The following TANC2 variants were observed in gnomAD, a reference collection of about 807,000 sequenced individuals.
TANC2 encodes tetratricopeptide repeat, ankyrin repeat and coiled-coil containing 2.
In TANC2, 26 loss-of-function variants were observed where a neutral mutation model predicts 210.5. The observed-to-expected ratio is 0.12, with a 90% CI of 0.09 to 0.17. The LOEUF is 0.17. Among genes scored for constraint, TANC2 ranks in the 10% least tolerant of loss-of-function variants. The probability of loss-of-function intolerance (pLI) is 1.00; values close to 1 mark genes in which losing one functional copy is unlikely to be tolerated. For synonymous variants in TANC2, 931 were observed against 967.1 expected, an observed-to-expected ratio of 0.96 and a Z score of 0.69; for missense variants, 2,129 against 2,608.9, an observed-to-expected ratio of 0.82 and a Z score of 4.01.
intron 9 of TANC2, among the ~76,000 whole-genome samples, chr17:63,293,736 AT>A (rs911410479): frequency 1.3e-5 from 2 of 151,594 alleles, no homozygotes; most frequent in African/African-American, 4.8e-5. Context: ...AAAGGTAAGG[AT>A]TTTTTTTGTT....
At chr17:63,102,834 CCAAA>C (rs1410088625) in intron 4 of TANC2, among the ~76,000 whole-genome samples, 1 of 151,942 alleles carries the variant, frequency 6.6e-6, no homozygotes, top group South Asian at 2.1e-4. Context: ...ATGGATTCAA[CCAAA>C]CACAGATTGA....
chr17:63,104,486 A>G lies in TANC2; in HGVS notation c.322+5129A>G, dbSNP rs528792314. Among the ~76,000 whole-genome samples the G allele has an allele frequency of 1.2e-4, 19 of 152,368 alleles. No individual in the cohort carries two copies. In the South Asian group the frequency reaches 2.7e-3, roughly 22 times the overall value. On this transcript the variant is annotated intron_variant, in intron 4 of 27. Transcript: ENST00000689528. ...CAATTTGACAATATGTATCAAAATT[A>G]TAAGGCACATAATCCTTAATACACC...
intron 8 of TANC2, among the ~76,000 whole-genome samples, chr17:63,259,691 C>T (rs2043301282): frequency 6.6e-6 from 1 of 152,092 alleles, no homozygotes; most frequent in Non-Finnish European, 1.5e-5. Flanking sequence ...TAGAACCTTG[C>T]TTTGAAATTA....
intron 3 of TANC2, among the ~76,000 whole-genome samples, chr17:63,081,706 C>T (rs2036776903): frequency 6.6e-6 from 1 of 151,904 alleles, no homozygotes; most frequent in Non-Finnish European, 1.5e-5. Context: ...AATTTATAAT[C>T]TTAAGCTCTT....
At chr17:63,057,555 T>C (rs1032153605) in intron 2 of TANC2, among the ~76,000 whole-genome samples, 4 of 152,142 alleles carry the variant, frequency 2.6e-5, no homozygotes, top group African/African-American at 9.7e-5. Context: ...CTAATAGATA[T>C]ATTTTTTTTC....
chr17:63,196,881 A>C (rs903949944), intron 6 of TANC2, among the ~76,000 whole-genome samples: 1 of 152,218 alleles, frequency 6.6e-6, no homozygotes, highest in African/African-American at 2.4e-5. Flanking sequence ...CAATTTTCAA[A>C]TAAGATATGG....
intron 3 of TANC2, among the ~76,000 whole-genome samples, chr17:63,076,431 G>A (rs1289306720): frequency 6.6e-6 from 1 of 152,010 alleles, no homozygotes; most frequent in African/African-American, 2.4e-5. Context: ...TGGAGAATCT[G>A]ACCAAAAAAA....
intron 2 of TANC2, among the ~76,000 whole-genome samples, chr17:63,021,659 G>A (rs1383253157): frequency 6.6e-6 from 1 of 152,180 alleles, no homozygotes; most frequent in African/African-American, 2.4e-5. Context: ...GACAAAATTG[G>A]TACTGAGAGA....
At chr17:63,245,700 G>T (rs1244430088) in intron 8 of TANC2, among the ~76,000 whole-genome samples, 2 of 152,056 alleles carry the variant, frequency 1.3e-5, no homozygotes, top group Non-Finnish European at 2.9e-5. Flanking sequence ...AACTTAGCTG[G>T]GCGTGGTGGC....
intron 21 of TANC2, among the ~76,000 whole-genome samples, chr17:63,410,228 T>C (rs2048647982): frequency 6.6e-6 from 1 of 152,178 alleles, no homozygotes; most frequent in Admixed American, 6.5e-5. Flanking sequence ...TGACTATAGT[T>C]AACTATAGAG....
At chr17:63,252,319 G>C (rs900027753) in intron 8 of TANC2, among the ~76,000 whole-genome samples, 2 of 151,852 alleles carry the variant, frequency 1.3e-5, no homozygotes, top group African/African-American at 4.8e-5. Flanking sequence ...AATCACATCA[G>C]AGTAAATGGC....
At chr17:63,156,022 T>A (rs1262495326) in intron 5 of TANC2, among the ~76,000 whole-genome samples, 1 of 152,122 alleles carries the variant, frequency 6.6e-6, no homozygotes, top group Non-Finnish European at 1.5e-5. Context: ...TTCTTCCATT[T>A]AAAAAATTTC....
chr17:62,995,181 CT>C (rs1264848235), intron 1 of TANC2, among the ~76,000 whole-genome samples: 4 of 152,034 alleles, frequency 2.6e-5, no homozygotes, highest in African/African-American at 7.2e-5. Flanking sequence ...TTTTCAAGAC[CT>C]TTTATAAATC....
chr17:63,377,908 A>T (rs1284503927), intron 14 of TANC2, among the ~76,000 whole-genome samples: 1 of 152,212 alleles, frequency 6.6e-6, no homozygotes, highest in Admixed American at 6.5e-5. Context: ...AATGAGTGCC[A>T]GCCAGGGAAA....
In TANC2 at chr17:63,412,253, T is replaced by G; in HGVS notation, c.3898+123T>G. The G allele has an allele frequency of 7.3e-7, 1 of 1,369,842 alleles. No homozygotes were observed. The highest frequency in any genetic ancestry group is 1.0e-6 in the Non-Finnish European group (1 of 1,003,844). 84.9% of individuals were successfully genotyped at this position (1,369,842 alleles called of 1,614,324 possible). ...TCCCCCTCCTCCCTGGCCCAATTAT[T>G]GTCCAAGTGAACAGAGAGGCTCTTG... On this transcript the variant is annotated intron_variant, in intron 23 of 27. Coordinates refer to ENST00000689528, the Ensembl canonical transcript of TANC2. This position sits in a 1 kb window ranked among gnomAD's most constrained non-coding sequence, Gnocchi z 4.2.
chr17:63,014,964 A>G (rs1241812259), intron 2 of TANC2, among the ~76,000 whole-genome samples: 2 of 152,162 alleles, frequency 1.3e-5, no homozygotes, highest in African/African-American at 4.8e-5. Flanking sequence ...CGAGGCAACA[A>G]TAAATGTTAT....
chr17:63,406,212 G>T, exon 21 of TANC2: 1 of 1,613,834 alleles, frequency 6.2e-7, no homozygotes, highest in Non-Finnish European at 8.5e-7. Context: ...AAGCAGGGCC[G>T]CACTCCCCTG....
At chr17:63,333,671 A>G (rs1415345446) in intron 11 of TANC2, among the ~76,000 whole-genome samples, 1 of 152,224 alleles carries the variant, frequency 6.6e-6, no homozygotes, top group Non-Finnish European at 1.5e-5. Flanking sequence ...TCCTATGGGT[A>G]AAATCCTATC....
intron 5 of TANC2, among the ~76,000 whole-genome samples, chr17:63,190,141 C>G (rs8075731): frequency 0.076 from 11,576 of 151,990 alleles, 1,390 homozygotes; most frequent in African/African-American, 0.26. Context: ...TCAAGACCAG[C>G]CTGGGCAACA....
Sources: allele counts gnomAD v4.1 joint callset (sites outside exome capture counted in the v4.1 genomes callset), GRCh38; gene constraint gnomAD v4.1.1; non-coding constraint Gnocchi (gnomAD v3.1); transcripts MANE v1.5; gene names NCBI Gene and HGNC (gene_info 2026-07-23, HGNC 2026-07-21).